The following METAP1D variants were observed in gnomAD, a reference collection of about 807,000 sequenced individuals.
The protein encoded by METAP1D is methionine aminopeptidase 1D, mitochondrial.
Under a neutral mutation model 40.5 loss-of-function variants are expected in METAP1D, and 31 were observed. The observed-to-expected ratio is 0.77, with a 90% CI of 0.58 to 1.03. METAP1D has a LOEUF of 1.03. Ranked by LOEUF, METAP1D falls within the 50% of genes least tolerant of loss-of-function variation. METAP1D has a pLI of 0.00. For missense variants in METAP1D, 411 were observed against 420.7 expected, an observed-to-expected ratio of 0.98 and a Z score of 0.20; for synonymous variants, 151 against 146.4, an observed-to-expected ratio of 1.03 and a Z score of -0.22.
chr2:172,001,067 G>T (rs1055933316), intron 1 of METAP1D, among the ~76,000 whole-genome samples: 1 of 152,102 alleles, frequency 6.6e-6, no homozygotes, highest in Non-Finnish European at 1.5e-5. Context: ...GAAAAGTAAG[G>T]CTAGAGAGGT....
At chr2:172,011,305 G>C (rs190750786) in intron 1 of METAP1D, among the ~76,000 whole-genome samples, 118 of 140,966 alleles carry the variant, frequency 8.4e-4, no homozygotes, top group Non-Finnish European at 1.1e-3. Flanking sequence ...TTTTTTTGGC[G>C]ATGGAGTCTC....
Position 172,020,592 on chromosome 2 carries a change from C to T in METAP1D, c.40+20583C>T, listed in dbSNP as rs191235409. Among the ~76,000 whole-genome samples, 6 of 152,296 alleles carry T rather than the reference C, an allele frequency of 3.9e-5. No individual in the cohort carries two copies. In the East Asian group the frequency reaches 1.2e-3, roughly 29 times the overall value. On this transcript the variant is annotated intron_variant, in intron 1 of 9. Coordinates refer to ENST00000315796, the MANE Select transcript of METAP1D (RefSeq NM_199227.3). ...TATTGAGGGCTTACTATATGCCAGACACTGTTCTAGTCATTGGGAGTACAT... is the reference window on the plus strand; with the variant it reads ...TATTGAGGGCTTACTATATGCCAGATACTGTTCTAGTCATTGGGAGTACAT...
At chr2:172,009,911 A>T (rs1242243417) in intron 1 of METAP1D, among the ~76,000 whole-genome samples, 1 of 152,146 alleles carries the variant, frequency 6.6e-6, no homozygotes, top group Non-Finnish European at 1.5e-5. Context: ...GCTGGAAAGG[A>T]GACCCGAGGA....
chr2:172,076,310 C>G (rs1157637017), intron 6 of METAP1D, among the ~76,000 whole-genome samples: 3 of 144,196 alleles, frequency 2.1e-5, no homozygotes, highest in Non-Finnish European at 3.0e-5. Context: ...TAGGGAGAAA[C>G]TGTTCCTGTA....
At chr2:172,003,816 G>T (rs1688521199) in intron 1 of METAP1D, among the ~76,000 whole-genome samples, 1 of 151,918 alleles carries the variant, frequency 6.6e-6, no homozygotes, top group Non-Finnish European at 1.5e-5. Flanking sequence ...ACAGGGTGAA[G>T]TGCAGTGGTG....
chr2:172,040,714 T>C (rs1005509922), intron 1 of METAP1D, among the ~76,000 whole-genome samples: 2 of 151,944 alleles, frequency 1.3e-5, no homozygotes, highest in African/African-American at 2.4e-5. Context: ...TCGTAATCGA[T>C]TGTGCTATTT....
At position 172,000,624 on chromosome 2, in the gene METAP1D, A is replaced by C. The variant is rs183920390; in HGVS notation, c.40+615A>C. 3.9e-5 allele frequency among the ~76,000 whole-genome samples: 6 copies of C among 152,254 alleles called. No individual in the cohort carries two copies. In the East Asian group the frequency reaches 9.6e-4, roughly 24 times the overall value. On this transcript the variant is annotated intron_variant, in intron 1 of 9. Transcript: ENST00000315796. ...TGAATCTTTGTTGGAAAGAACTAGA[A>C]AGTTTTTCCAAGGACGGGGGAAGAG... is the stretch of plus-strand genomic sequence containing the variant.
rs188934311 is a variant in METAP1D at position 172,078,511 on chromosome 2, G to A, written c.802+617G>A. 3.4e-4 allele frequency among the ~76,000 whole-genome samples: 52 copies of A among 152,300 alleles called. 1 individual carries two copies. The East Asian group carries it at 0.01, about 29-fold the overall frequency. ...GGCAGCTCAGTGGAGCACCCTCAAG[G>A]CAGGTCCACACCTGGACGGGGATCA... is the stretch of plus-strand genomic sequence containing the variant. On this transcript the variant is annotated intron_variant, in intron 7 of 9. Transcript: ENST00000315796.
intron 6 of METAP1D, among the ~76,000 whole-genome samples, chr2:172,073,425 G>C (rs1021301912): frequency 2.6e-5 from 4 of 151,992 alleles, no homozygotes; most frequent in African/African-American, 4.8e-5. Context: ...AATTGAAAGT[G>C]ACATTGGATT....
intron 1 of METAP1D, among the ~76,000 whole-genome samples, chr2:172,018,196 G>A (rs1340810110): frequency 6.6e-6 from 1 of 150,944 alleles, no homozygotes; most frequent in Non-Finnish European, 1.5e-5. Flanking sequence ...ACACGTATAA[G>A]GGCAATATTT....
At chr2:172,050,478 T>A (rs1474397430) in intron 1 of METAP1D, among the ~76,000 whole-genome samples, 3 of 152,184 alleles carry the variant, frequency 2.0e-5, no homozygotes, top group African/African-American at 7.2e-5. Context: ...AGACTTTCTC[T>A]AAAATTCAGT....
At chr2:172,008,454 T>A (rs1688639078) in intron 1 of METAP1D, among the ~76,000 whole-genome samples, 1 of 152,218 alleles carries the variant, frequency 6.6e-6, no homozygotes, top group Non-Finnish European at 1.5e-5. Flanking sequence ...TATCAGTTTT[T>A]AAAATACCAT....
chr2:172,038,979 CATTAGTT>C (rs1441106760), intron 1 of METAP1D, among the ~76,000 whole-genome samples: 2 of 152,196 alleles, frequency 1.3e-5, no homozygotes, highest in Non-Finnish European at 2.9e-5. Flanking sequence ...AGTGATGAAA[CATTAGTT>C]ATAAGTATAA....
chr2:172,025,961 G>A (rs1047186458), intron 1 of METAP1D, among the ~76,000 whole-genome samples: 2 of 152,014 alleles, frequency 1.3e-5, no homozygotes, highest in Admixed American at 6.5e-5. Flanking sequence ...TAAAATATAA[G>A]TACTCTTTTA....
chr2:172,021,188 T>C (rs1688998522), intron 1 of METAP1D, among the ~76,000 whole-genome samples: 1 of 152,212 alleles, frequency 6.6e-6, no homozygotes, highest in Admixed American at 6.5e-5. Flanking sequence ...GGTAAAAAGA[T>C]ATTGGTCCTT....
Position 172,066,271 on chromosome 2 carries a change from C to T in METAP1D, c.505C>T (p.Leu169Phe). The T allele has an allele frequency of 6.2e-7, 1 of 1,611,528 alleles. No homozygotes were observed. Among genetic ancestry groups the T allele is most frequent in the Non-Finnish European group, 8.5e-7 (1 of 1,179,234 alleles). ...LCHGIPDSRP[L>F]QDGDIINIDV... is the part of the protein sequence containing the mutation. ...TTTCTGTTTACGTTTTAGTCGACCTCTTCAGGATGGAGATATTATCAACAT... is the reference window on the plus strand; with the variant it reads ...TTTCTGTTTACGTTTTAGTCGACCTTTTCAGGATGGAGATATTATCAACAT... Residue 169 changes from leucine (L) to phenylalanine (F), a missense_variant, in exon 5 of 10, where the codon CTT becomes TTT. By Grantham distance (22) the Leu-to-Phe change is conservative (BLOSUM62 0). Transcript: ENST00000315796.
rs1472987821 is a variant in METAP1D, at chr2:172,070,803, G to C, written c.541-104G>C. 7.0e-6 allele frequency: 6 copies of C among 856,956 alleles called. No homozygotes were observed. In the African/African-American group the frequency reaches 8.9e-5, roughly 13 times the overall value. The allele number at this position is 856,956 out of a possible 1,614,324, so 53.1% of individuals were successfully genotyped here. A position where few individuals can be genotyped will look rare whatever the true frequency, so the allele number is the denominator to read the frequency against. ...GATAGGCAAATGAATAATTCTGGAAGGGTAAAACATGAGTCTACTAAATAC... is the reference window on the plus strand; with the variant it reads ...GATAGGCAAATGAATAATTCTGGAACGGTAAAACATGAGTCTACTAAATAC... On this transcript the variant is annotated intron_variant, in intron 5 of 9. Transcript: ENST00000315796.
At chr2:172,020,028 C>T (rs1464202933) in intron 1 of METAP1D, among the ~76,000 whole-genome samples, 1 of 152,234 alleles carries the variant, frequency 6.6e-6, no homozygotes, top group East Asian at 1.9e-4. Flanking sequence ...GAGTCTTGCT[C>T]TGTCTCCAGG....
intron 1 of METAP1D, among the ~76,000 whole-genome samples, chr2:172,006,839 T>G (rs975120547): frequency 1.3e-5 from 2 of 152,196 alleles, no homozygotes; most frequent in Admixed American, 6.6e-5. Flanking sequence ...TGGATTATTT[T>G]GAAGCACATT....
Sources: allele counts gnomAD v4.1 joint callset (sites outside exome capture counted in the v4.1 genomes callset), GRCh38; gene constraint gnomAD v4.1.1; transcripts MANE v1.5; gene names NCBI Gene and HGNC (gene_info 2026-07-23, HGNC 2026-07-21).